CAMK2D: variants seen among roughly 807,000 people sequenced by gnomAD.
The protein encoded by CAMK2D is calcium/calmodulin-dependent protein kinase type II subunit delta.
A neutral mutation model predicts 84.0 loss-of-function variants in CAMK2D; 37 were observed. The observed-to-expected ratio is 0.44, with a 90% CI of 0.34 to 0.58. The LOEUF (loss-of-function observed/expected upper bound fraction) is 0.58, where lower values mean the gene tolerates loss of function less well. Ranked by LOEUF, CAMK2D falls within the 20% of genes least tolerant of loss-of-function variation. The pLI, the probability that CAMK2D is intolerant of heterozygous loss-of-function variation, is 0.02. For missense variants in CAMK2D, 448 were observed against 652.5 expected (o/e 0.69, Z 3.41); for synonymous variants, 202 against 212.5 (o/e 0.95, Z 0.43).
chr4:113,614,615 C>T (rs74667088), intron 3 of CAMK2D, among the ~76,000 whole-genome samples: 1,786 of 152,232 alleles, frequency 0.012, 49 homozygotes, highest in African/African-American at 0.041. Flanking sequence ...GAGGTCATAG[C>T]TGAACGAAAC....
intron 2 of CAMK2D, among the ~76,000 whole-genome samples, chr4:113,742,476 G>T (rs1003972865): frequency 6.7e-6 from 1 of 150,156 alleles, no homozygotes; most frequent in Non-Finnish European, 1.5e-5. Flanking sequence ...ATGGGCAAAA[G>T]AATAATAAAG....
intron 16 of CAMK2D, among the ~76,000 whole-genome samples, chr4:113,480,648 T>C (rs1024875492): frequency 3.2e-4 from 49 of 151,980 alleles, no homozygotes; most frequent in African/African-American, 1.1e-3. Flanking sequence ...CGAAACTAGC[T>C]TGGCAAACAT....
intron 3 of CAMK2D, among the ~76,000 whole-genome samples, chr4:113,643,840 T>C (rs1027824228): frequency 3.3e-5 from 5 of 152,234 alleles, no homozygotes; most frequent in Non-Finnish European, 7.3e-5. Context: ...AATATCAGAC[T>C]ACTCCTCAGT....
chr4:113,572,357 A>G (rs1199728120), intron 4 of CAMK2D, among the ~76,000 whole-genome samples: 10 of 152,088 alleles, frequency 6.6e-5, no homozygotes, highest in Admixed American at 6.6e-4. Flanking sequence ...AAAATATGGT[A>G]AAAAGGGCCT....
Position 113,761,659 on chromosome 4 carries a change from C to T in CAMK2D, c.-591G>A, listed in dbSNP as rs2099641645. ...GCTTCCCTCCGGCGGGCGGCAGCGG[C>T]TCCGGCGAAGCGAGGCACCTTGGCG... On this transcript the variant is annotated 5_prime_UTR_variant, in exon 1 of 21. Transcript: ENST00000511664. 15 of 984,988 alleles carry T rather than the reference C, an allele frequency of 1.5e-5. No homozygotes were observed. Among genetic ancestry groups the T allele is most frequent in the Non-Finnish European group, 1.7e-5 (14 of 829,778 alleles). The allele number at this position is 984,988 out of a possible 1,614,324, so 61.0% of individuals were successfully genotyped here.
At chr4:113,462,600 A>G (rs2097401396) in intron 17 of CAMK2D, among the ~76,000 whole-genome samples, 1 of 152,166 alleles carries the variant, frequency 6.6e-6, no homozygotes, top group South Asian at 2.1e-4. Flanking sequence ...CAAAGATATT[A>G]GTGAACTGGT....
In CAMK2D at chr4:113,458,110, C is replaced by T. The variant is rs114004217; in HGVS notation, c.1307-547G>A. On this transcript the variant is annotated intron_variant, in intron 18 of 20. Coordinates refer to ENST00000511664, the MANE Select transcript of CAMK2D (RefSeq NM_001321571.2). Reference sequence around the variant, plus strand: ...TGAACAAGCCTATGAACTTGTTTCTCATCTCATTCTCTGACTCCTCCACAT... The same window carrying T: ...TGAACAAGCCTATGAACTTGTTTCTTATCTCATTCTCTGACTCCTCCACAT... Among the ~76,000 whole-genome samples, 456 of 152,306 alleles carry T rather than the reference C, an allele frequency of 3.0e-3. 1 individual carries two copies. The highest frequency in any genetic ancestry group is 0.011 in the East Asian group (59 of 5,188).
intron 4 of CAMK2D, among the ~76,000 whole-genome samples, chr4:113,552,793 G>A (rs2098638420): frequency 6.6e-6 from 1 of 152,080 alleles, no homozygotes; most frequent in African/African-American, 2.4e-5. Flanking sequence ...AAAATTACTG[G>A]GTGAAAGAGT....
At chr4:113,670,797 G>T (rs2099278091) in intron 2 of CAMK2D, among the ~76,000 whole-genome samples, 1 of 151,910 alleles carries the variant, frequency 6.6e-6, no homozygotes, top group Non-Finnish European at 1.5e-5. Context: ...GCACAGTGGT[G>T]GGCGCCTGTT....
chr4:113,724,042 C>G (rs2099538855), intron 2 of CAMK2D, among the ~76,000 whole-genome samples: 1 of 151,904 alleles, frequency 6.6e-6, no homozygotes, highest in African/African-American at 2.4e-5. Context: ...GATTTGCATT[C>G]CTGATATTAA....
chr4:113,632,014 A>G lies in CAMK2D; in HGVS notation c.221-22808T>C, dbSNP rs111926093. ...AGTATTATGTAGAATTGGGAAAATG[A>G]TAGGCATATGTATTTATGATCCTCC... is the stretch of plus-strand genomic sequence containing the variant. On this transcript the variant is annotated intron_variant, in intron 3 of 20. Coordinates refer to ENST00000511664, the MANE Select transcript of CAMK2D (RefSeq NM_001321571.2). Among the ~76,000 whole-genome samples the G allele has an allele frequency of 5.0e-3, 762 of 152,286 alleles. 7 individuals carry two copies. The highest frequency in any genetic ancestry group is 0.016 in the African/African-American group (673 of 41,550).
At chr4:113,590,489 T>A (rs1215945222) in intron 4 of CAMK2D, among the ~76,000 whole-genome samples, 1 of 152,150 alleles carries the variant, frequency 6.6e-6, no homozygotes, top group Admixed American at 6.5e-5. Flanking sequence ...CAATGGATAA[T>A]CATGATTCAA....
intron 3 of CAMK2D, among the ~76,000 whole-genome samples, chr4:113,626,892 G>A (rs1208578333): frequency 6.6e-6 from 1 of 152,044 alleles, no homozygotes; most frequent in Non-Finnish European, 1.5e-5. Context: ...TTAATTTCGC[G>A]GTATGATGAA....
At chr4:113,458,208 C>T (rs1008458196) in intron 18 of CAMK2D, among the ~76,000 whole-genome samples, 1 of 152,120 alleles carries the variant, frequency 6.6e-6, no homozygotes, top group African/African-American at 2.4e-5. Context: ...GGCACATAGC[C>T]TGATTCTGGT....
chr4:113,688,328 T>A (rs1054864922), intron 2 of CAMK2D, among the ~76,000 whole-genome samples: 5 of 152,200 alleles, frequency 3.3e-5, no homozygotes, highest in African/African-American at 1.2e-4. Flanking sequence ...GGAGGGAAGG[T>A]GCATTCACCT....
intron 8 of CAMK2D, among the ~76,000 whole-genome samples, chr4:113,525,172 T>G (rs1482944575): frequency 6.6e-6 from 1 of 152,198 alleles, no homozygotes; most frequent in Non-Finnish European, 1.5e-5. Context: ...TTCCCAAGGT[T>G]TGTCCGAAGT....
At chr4:113,722,454 T>C (rs1411416582) in intron 2 of CAMK2D, among the ~76,000 whole-genome samples, 7 of 151,996 alleles carry the variant, frequency 4.6e-5, no homozygotes, top group African/African-American at 1.7e-4. Context: ...AATGGAGAAA[T>C]AAAACAATGG....
chr4:113,618,085 A>T (rs537728352), intron 3 of CAMK2D, among the ~76,000 whole-genome samples: 2 of 152,274 alleles, frequency 1.3e-5, no homozygotes, highest in East Asian at 3.9e-4. Flanking sequence ...AAGTTTTTAC[A>T]TTTCTACATT....
At chr4:113,552,209 C>G (rs1228265362) in intron 4 of CAMK2D, 113 bp from the exon 5 acceptor site, 1 of 580,450 alleles carries the variant, frequency 1.7e-6, no homozygotes, top group East Asian at 2.9e-5. Flanking sequence ...TAAAAAAAAT[C>G]AAAACTTTTT....
Sources: gnomAD v4.1 joint callset for allele counts (sites outside exome capture counted in the v4.1 genomes callset) on GRCh38, gnomAD v4.1.1 for gene constraint, MANE v1.5 for transcripts, NCBI Gene and HGNC (gene_info 2026-07-23, HGNC 2026-07-21) for gene names.